ANKRD44: variants seen among roughly 807,000 people sequenced by gnomAD.
ANKRD44 encodes the protein serine/threonine-protein phosphatase 6 regulatory ankyrin repeat subunit B.
A neutral mutation model predicts 116.0 loss-of-function variants in ANKRD44; 35 were observed. The ratio of observed to expected loss-of-function variants is 0.30; its 90% confidence interval spans 0.23 to 0.40. The LOEUF is 0.40. Ranked by LOEUF, ANKRD44 falls within the 10% of genes least tolerant of loss-of-function variation. ANKRD44 has a pLI of 1.00. For synonymous variants in ANKRD44, 435 were observed against 461.8 expected, an observed-to-expected ratio of 0.94 and a Z score of 0.74; for missense variants, 1,014 against 1,242.6, an observed-to-expected ratio of 0.82 and a Z score of 2.77.
At chr2:197,158,396 G>A (rs1234801965) in intron 2 of ANKRD44, among the ~76,000 whole-genome samples, 1 of 152,216 alleles carries the variant, frequency 6.6e-6, no homozygotes, top group Non-Finnish European at 1.5e-5. Context: ...CCAGTGAGGC[G>A]AGAAGTCTAG....
intron 1 of ANKRD44, among the ~76,000 whole-genome samples, chr2:197,208,481 G>T (rs1221422582): frequency 1.3e-5 from 2 of 152,146 alleles, no homozygotes; most frequent in Non-Finnish European, 2.9e-5. Flanking sequence ...CCACACACCA[G>T]GTATCTTATT....
Position 197,175,519 on chromosome 2 carries a change from C to G in ANKRD44, c.111+11504G>C, listed in dbSNP as rs112302156. Among the ~76,000 whole-genome samples the G allele has an allele frequency of 3.1e-4, 47 of 152,282 alleles. 1 individual carries two copies. Among genetic ancestry groups the G allele is most frequent in the Non-Finnish European group, 6.2e-4 (42 of 68,020 alleles). On this transcript the variant is annotated intron_variant, in intron 2 of 27. Transcript: ENST00000282272. ...AGGGAAAAACACACAGTGTCGGTAC[C>G]ACTGAGCTGAAGAGCCACCATTTAG... is the stretch of plus-strand genomic sequence containing the variant.
At chr2:196,982,945 C>T (rs1485231659), downstream of ANKRD44, among the ~76,000 whole-genome samples, 1 of 152,148 alleles carries the variant, frequency 6.6e-6, no homozygotes, top group African/African-American at 2.4e-5. Flanking sequence ...TCAAACACCA[C>T]ATGTTCTCAC....
intron 9 of ANKRD44, among the ~76,000 whole-genome samples, chr2:197,108,565 ACGGTGGCT>A (rs2078488952): frequency 6.6e-6 from 1 of 152,192 alleles, no homozygotes; most frequent in Non-Finnish European, 1.5e-5. Flanking sequence ...ACAGCAGGGC[ACGGTGGCT>A]CACACCTGTT....
chr2:197,075,533 G>A (rs1354947911), intron 16 of ANKRD44, among the ~76,000 whole-genome samples: 1 of 152,090 alleles, frequency 6.6e-6, no homozygotes, highest in Admixed American at 6.6e-5. Flanking sequence ...CACATAGTAC[G>A]AACGTCTTTG....
chr2:197,174,306 G>T (rs2080312982), intron 2 of ANKRD44, among the ~76,000 whole-genome samples: 2 of 152,158 alleles, frequency 1.3e-5, no homozygotes, highest in Admixed American at 1.3e-4. Flanking sequence ...GAGGTTGATA[G>T]AGCCATGATT....
intron 21 of ANKRD44, among the ~76,000 whole-genome samples, chr2:196,967,881 G>T (rs1023576650): frequency 1.3e-5 from 2 of 149,516 alleles, no homozygotes; most frequent in African/African-American, 4.9e-5. Context: ...GAGGTGTCTG[G>T]GTCATTGGGG....
intron 1 of ANKRD44, among the ~76,000 whole-genome samples, chr2:197,253,252 T>C (rs1193547552): frequency 6.6e-6 from 1 of 152,214 alleles, no homozygotes; most frequent in Non-Finnish European, 1.5e-5. Context: ...TTAAAAAACC[T>C]GGTGGCATTC....
At chr2:197,158,416 C>T (rs534299765) in intron 2 of ANKRD44, among the ~76,000 whole-genome samples, 12 of 152,322 alleles carry the variant, frequency 7.9e-5, no homozygotes, top group South Asian at 4.1e-4. Context: ...GTTTCAGTTA[C>T]GGCCCCACCA....
intron 1 of ANKRD44, among the ~76,000 whole-genome samples, chr2:197,279,675 T>C (rs1559214333): frequency 6.6e-6 from 1 of 152,194 alleles, no homozygotes; most frequent in Non-Finnish European, 1.5e-5. Context: ...TCTTCCTAGT[T>C]TGTCCTACTA....
chr2:197,129,869 C>T (rs1455978443), intron 4 of ANKRD44, among the ~76,000 whole-genome samples: 2 of 152,192 alleles, frequency 1.3e-5, no homozygotes, highest in South Asian at 2.1e-4. Flanking sequence ...TTTATGACTA[C>T]ACATAGTCCC....
intron 2 of ANKRD44, among the ~76,000 whole-genome samples, chr2:197,164,502 G>A (rs2080054774): frequency 6.6e-6 from 1 of 152,188 alleles, no homozygotes; most frequent in Non-Finnish European, 1.5e-5. Flanking sequence ...GCTCAGAAGA[G>A]CCCTTCCCCC....
intron 3 of ANKRD44, among the ~76,000 whole-genome samples, chr2:197,141,433 T>C (rs1053293238): frequency 6.6e-6 from 1 of 152,184 alleles, no homozygotes; most frequent in Non-Finnish European, 1.5e-5. Flanking sequence ...TTATCATTAT[T>C]ATTATTATAC....
chr2:196,990,677 A>G (rs1163356084), intron 27 of ANKRD44: 15 of 1,232,060 alleles, frequency 1.2e-5, no homozygotes, highest in Non-Finnish European at 5.1e-6. Context: ...CTACAGTCCA[A>G]AGTCAAAACG....
At chr2:197,161,373 C>T (rs2079961335) in intron 2 of ANKRD44, among the ~76,000 whole-genome samples, 1 of 152,014 alleles carries the variant, frequency 6.6e-6, no homozygotes. Flanking sequence ...GGTGTTTTTC[C>T]CTTTTAAAGG....
At chr2:196,990,243 A>T in intron 27 of ANKRD44, 1 of 986,336 alleles carries the variant, frequency 1.0e-6, no homozygotes, top group Non-Finnish European at 1.2e-6. Context: ...TCAAAGTGAG[A>T]AGAAGTTTGA....
intron 26 of ANKRD44, 33 bp from the exon 27 acceptor site, chr2:196,993,707 T>C (rs1431485978): frequency 6.5e-7 from 1 of 1,531,500 alleles, no homozygotes; most frequent in Non-Finnish European, 8.9e-7. Context: ...TCAGTTGTGA[T>C]ACATATTTGG....
chr2:197,284,318 T>C (rs140012939), intron 1 of ANKRD44, among the ~76,000 whole-genome samples: 121 of 152,298 alleles, frequency 7.9e-4, no homozygotes, highest in Non-Finnish European at 5.9e-4. Context: ...CCTCAGGACA[T>C]TCATGTTCTA....
At chr2:197,208,994 G>A (rs1157591010) in intron 1 of ANKRD44, among the ~76,000 whole-genome samples, 1 of 152,106 alleles carries the variant, frequency 6.6e-6, no homozygotes, top group Non-Finnish European at 1.5e-5. Context: ...TAGGCATTTA[G>A]AATAAAGGCA....
Sources: gnomAD v4.1 joint callset for allele counts (sites outside exome capture counted in the v4.1 genomes callset) on GRCh38, gnomAD v4.1.1 for gene constraint, MANE v1.5 for transcripts, NCBI Gene and HGNC (gene_info 2026-07-23, HGNC 2026-07-21) for gene names.